The following NXPE2 variants were observed in gnomAD, a reference collection of about 807,000 sequenced individuals.
NXPE2 encodes NXPE family member 2.
In NXPE2, 34 loss-of-function variants were observed where a neutral mutation model predicts 34.4. The observed-to-expected ratio is 0.99, with a 90% confidence interval of 0.75 to 1.31. The LOEUF is 1.31. Ranked by LOEUF, NXPE2 falls within the 40% of genes most tolerant of loss-of-function variation. The pLI is 0.00. For synonymous variants in NXPE2, 235 were observed against 231.3 expected, an observed-to-expected ratio of 1.02 and a Z score of -0.15; for missense variants, 649 against 672.5, an observed-to-expected ratio of 0.97 and a Z score of 0.39.
the NXPE2 span, among the ~76,000 whole-genome samples, chr11:114,573,849 A>G: frequency 6.6e-6 from 1 of 152,054 alleles, no homozygotes. Context: ...ACTATACCCT[A>G]AAACAAATGA....
the NXPE2 span, among the ~76,000 whole-genome samples, chr11:114,651,200 T>G: frequency 6.6e-6 from 1 of 152,130 alleles, no homozygotes; most frequent in Non-Finnish European, 1.5e-5. Flanking sequence ...GGTTGAGTGT[T>G]ACAGTTCTTA....
At chr11:114,812,364 C>A in the NXPE2 span, among the ~76,000 whole-genome samples, 1 of 152,148 alleles carries the variant, frequency 6.6e-6, no homozygotes, top group Non-Finnish European at 1.5e-5. Context: ...AGACAAATTA[C>A]AGTTTAAAAT....
chr11:114,786,365 C>CCA, the NXPE2 span, among the ~76,000 whole-genome samples: 1 of 130,846 alleles, frequency 7.6e-6, no homozygotes, highest in Non-Finnish European at 1.6e-5. Context: ...ACCCCCGCCC[C>CCA]CCGCCCCACC....
chr11:114,527,537 A>T, the NXPE2 span, among the ~76,000 whole-genome samples: 7 of 152,294 alleles, frequency 4.6e-5, no homozygotes, highest in African/African-American at 1.7e-4. Context: ...TCCTATTCTG[A>T]AGCTGTAGAT....
the NXPE2 span, among the ~76,000 whole-genome samples, chr11:114,465,599 C>T: frequency 3.3e-5 from 5 of 152,118 alleles, no homozygotes; most frequent in Admixed American, 3.3e-4. Context: ...ATTTCCTTCA[C>T]ACTAAAAATG....
At chr11:114,558,947 A>G in the NXPE2 span, among the ~76,000 whole-genome samples, 1 of 152,190 alleles carries the variant, frequency 6.6e-6, no homozygotes, top group African/African-American at 2.4e-5. Context: ...ATGTATTACT[A>G]TGAAATGGTT....
chr11:114,655,479 T>G, the NXPE2 span, among the ~76,000 whole-genome samples: 1 of 152,224 alleles, frequency 6.6e-6, no homozygotes, highest in East Asian at 1.9e-4. Flanking sequence ...AAGTCTTTAA[T>G]CCATCTTGAG....
At chr11:114,522,358 A>G in the NXPE2 span, 36 of 1,614,154 alleles carry the variant, frequency 2.2e-5, no homozygotes, top group Non-Finnish European at 3.1e-5. Flanking sequence ...CCCGAGGGAT[A>G]TAATCATGAT....
At chr11:114,602,032 A>G in the NXPE2 span, among the ~76,000 whole-genome samples, 1 of 90,336 alleles carries the variant, frequency 1.1e-5, no homozygotes, top group Non-Finnish European at 1.9e-5. Context: ...TATATGTTAT[A>G]CTATATAATA....
At chr11:114,739,375 A>ACTCCTTCCCTTCCTCC in the NXPE2 span, among the ~76,000 whole-genome samples, 1 of 75,102 alleles carries the variant, frequency 1.3e-5, no homozygotes, top group Non-Finnish European at 2.5e-5. Context: ...TCCCTCCCTC[A>ACTCCTTCCCTTCCTCC]CTCACTCCTT....
chr11:114,728,847 A>G, the NXPE2 span, among the ~76,000 whole-genome samples: 34 of 152,160 alleles, frequency 2.2e-4, no homozygotes, highest in Non-Finnish European at 4.3e-4. Flanking sequence ...GATCAATGAG[A>G]TACAATAAAG....
the NXPE2 span, chr11:114,527,734 T>G: frequency 1.5e-6 from 1 of 664,280 alleles, no homozygotes; most frequent in Non-Finnish European, 2.5e-6. Flanking sequence ...ATTGACATCA[T>G]AGACATCTGC....
the NXPE2 span, among the ~76,000 whole-genome samples, chr11:114,785,350 T>A: frequency 6.6e-6 from 1 of 152,220 alleles, no homozygotes; most frequent in East Asian, 1.9e-4. Flanking sequence ...GACCCCAAGC[T>A]TCTAGATTCT....
the NXPE2 span, among the ~76,000 whole-genome samples, chr11:114,540,367 T>A: frequency 6.6e-6 from 1 of 152,168 alleles, no homozygotes; most frequent in African/African-American, 2.4e-5. Flanking sequence ...AGCAACATGA[T>A]TAGATTTCAA....
At chr11:114,612,425 G>A in the NXPE2 span, among the ~76,000 whole-genome samples, 1 of 151,738 alleles carries the variant, frequency 6.6e-6, no homozygotes. Context: ...GATAATAAGT[G>A]TTGCCTCGTG....
At chr11:114,674,280 CT>C (rs1362447576), upstream of NXPE2, among the ~76,000 whole-genome samples, 1 of 151,648 alleles carries the variant, frequency 6.6e-6, no homozygotes, top group East Asian at 1.9e-4. Context: ...TTAATTTTCT[CT>C]TGAAAAATCA....
the NXPE2 span, among the ~76,000 whole-genome samples, chr11:114,593,096 T>C: frequency 2.6e-5 from 4 of 152,116 alleles, no homozygotes; most frequent in African/African-American, 7.2e-5. Flanking sequence ...TAGGGAATAC[T>C]GTTCAGGACA....
the NXPE2 span, among the ~76,000 whole-genome samples, chr11:114,613,715 G>A: frequency 6.8e-6 from 1 of 148,074 alleles, no homozygotes; most frequent in Non-Finnish European, 1.5e-5. Context: ...TACCCAGCAG[G>A]TAATAAGTGT....
At chr11:114,614,728 C>G in the NXPE2 span, among the ~76,000 whole-genome samples, 1 of 148,800 alleles carries the variant, frequency 6.7e-6, no homozygotes, top group African/African-American at 2.5e-5. Context: ...GTGTTGCCTC[C>G]TGCGTAACCA....
Sources: gnomAD v4.1 joint callset for allele counts (sites outside exome capture counted in the v4.1 genomes callset) on GRCh38, gnomAD v4.1.1 for gene constraint, MANE v1.5 for transcripts, NCBI Gene and HGNC (gene_info 2026-07-23, HGNC 2026-07-21) for gene names.